SYT14: variants seen among roughly 807,000 people sequenced by gnomAD.
The protein encoded by SYT14 is synaptotagmin-14.
In SYT14, 32 loss-of-function variants were observed where a neutral mutation model predicts 74.2. The observed-to-expected ratio is 0.43, with a 90% CI of 0.33 to 0.58. SYT14 has a LOEUF of 0.58. Ranked by LOEUF, SYT14 falls within the 20% of genes least tolerant of loss-of-function variation. The pLI is 0.05. For missense variants in SYT14, 791 were observed against 981.8 expected (o/e 0.81, Z 2.60); for synonymous variants, 298 against 337.7 (o/e 0.88, Z 1.29).
chr1:210,051,158 A>G (rs182340711), intron 5 of SYT14, among the ~76,000 whole-genome samples: 1 of 152,300 alleles, frequency 6.6e-6, no homozygotes, highest in East Asian at 1.9e-4. Context: ...AAATTCATGT[A>G]TGTATTAATT....
At chr1:210,133,266 A>G (rs1315517216) in intron 7 of SYT14, among the ~76,000 whole-genome samples, 2 of 152,156 alleles carry the variant, frequency 1.3e-5, no homozygotes, top group Non-Finnish European at 2.9e-5. Context: ...GGAGGCAGTG[A>G]CTTTTGCTGT....
intron 2 of SYT14, among the ~76,000 whole-genome samples, chr1:210,008,935 C>T (rs1383375437): frequency 2.0e-5 from 3 of 152,116 alleles, no homozygotes; most frequent in Admixed American, 1.3e-4. Flanking sequence ...GCAGGGGTGT[C>T]CAATCTTTTG....
At chr1:210,027,848 A>G (rs2080447653) in intron 5 of SYT14, among the ~76,000 whole-genome samples, 1 of 151,982 alleles carries the variant, frequency 6.6e-6, no homozygotes, top group Non-Finnish European at 1.5e-5. Flanking sequence ...GTAGAATTTT[A>G]TTTTATTTTT....
chr1:210,097,800 AATTT>A (rs2081992441), intron 6 of SYT14, among the ~76,000 whole-genome samples: 1 of 152,076 alleles, frequency 6.6e-6, no homozygotes, highest in African/African-American at 2.4e-5. Flanking sequence ...CTCTTTTGGG[AATTT>A]ATTTCTTCTC....
chr1:209,951,391 CCTT>C (rs1444099413), intron 1 of SYT14, among the ~76,000 whole-genome samples: 2 of 152,182 alleles, frequency 1.3e-5, no homozygotes, highest in African/African-American at 4.8e-5. Context: ...CAGTATCTGT[CCTT>C]CTGTGTCTGC....
At chr1:210,062,503 C>T (rs1027519358) in intron 5 of SYT14, among the ~76,000 whole-genome samples, 8 of 151,840 alleles carry the variant, frequency 5.3e-5, no homozygotes, top group Non-Finnish European at 8.8e-5. Flanking sequence ...GTTGATTGCT[C>T]AGCCATGCTG....
At chr1:210,046,288 C>T (rs374137846) in intron 5 of SYT14, among the ~76,000 whole-genome samples, 1 of 152,124 alleles carries the variant, frequency 6.6e-6, no homozygotes, top group Non-Finnish European at 1.5e-5. Context: ...GCAGGAGAAT[C>T]GCTTGAACCC....
intron 7 of SYT14, among the ~76,000 whole-genome samples, chr1:210,131,797 C>T (rs977686169): frequency 2.6e-5 from 4 of 152,144 alleles, no homozygotes; most frequent in African/African-American, 7.2e-5. Context: ...TTGCAGCCAT[C>T]CCTTCTTCCA....
intron 5 of SYT14, among the ~76,000 whole-genome samples, chr1:210,048,574 C>T (rs112468332): frequency 1.8e-3 from 279 of 152,286 alleles, no homozygotes; most frequent in African/African-American, 5.6e-3. Context: ...CACCTCCCAT[C>T]GAGTGCCTCC....
chr1:210,040,305 G>A (rs2080760009), intron 5 of SYT14, among the ~76,000 whole-genome samples: 1 of 152,088 alleles, frequency 6.6e-6, no homozygotes, highest in Admixed American at 6.5e-5. Context: ...ACTCATAAGT[G>A]GGAGTTAAAC....
chr1:210,133,258 A>G (rs2082713994), intron 7 of SYT14, among the ~76,000 whole-genome samples: 1 of 152,152 alleles, frequency 6.6e-6, no homozygotes, highest in Non-Finnish European at 1.5e-5. Context: ...TCAGTTTGGG[A>G]GGCAGTGACT....
chr1:210,074,354 C>G (rs940588836), intron 5 of SYT14, among the ~76,000 whole-genome samples: 4 of 152,124 alleles, frequency 2.6e-5, no homozygotes, highest in African/African-American at 9.7e-5. Flanking sequence ...AGTCACATAG[C>G]TAGTGAATGG....
At chr1:209,949,618 A>G (rs1049184364) in intron 1 of SYT14, among the ~76,000 whole-genome samples, 2 of 152,074 alleles carry the variant, frequency 1.3e-5, no homozygotes, top group African/African-American at 4.8e-5. Flanking sequence ...AATGTAATAA[A>G]TTTATATGAC....
chr1:209,969,930 T>C (rs2079220563), intron 2 of SYT14, among the ~76,000 whole-genome samples: 2 of 152,188 alleles, frequency 1.3e-5, no homozygotes, highest in South Asian at 4.1e-4. Context: ...TGTTGAATTG[T>C]TTATTTCTTA....
chr1:209,990,531 ATATATACG>A (rs1346368387), intron 2 of SYT14, among the ~76,000 whole-genome samples: 17 of 45,020 alleles, frequency 3.8e-4, no homozygotes, highest in African/African-American at 1.3e-3. Context: ...TCACATATAT[ATATATACG>A]TATATATATG....
chr1:210,023,355 C>G (rs1231731796), intron 5 of SYT14, among the ~76,000 whole-genome samples: 1 of 152,000 alleles, frequency 6.6e-6, no homozygotes, highest in Admixed American at 6.6e-5. Flanking sequence ...AAAAGACAAA[C>G]TTTCTTGAGA....
chr1:209,968,171 A>T (rs2079185212), intron 2 of SYT14, among the ~76,000 whole-genome samples: 1 of 152,172 alleles, frequency 6.6e-6, no homozygotes, highest in Non-Finnish European at 1.5e-5. Context: ...GACAGAATGT[A>T]GCCTCATCTT....
chr1:210,017,934 TAAC>T (rs753055712), intron 4 of SYT14, among the ~76,000 whole-genome samples: 5 of 152,104 alleles, frequency 3.3e-5, no homozygotes, highest in African/African-American at 4.8e-5. Context: ...TCTTGTAAAA[TAAC>T]AAAAAGCAGA....
intron 7 of SYT14, among the ~76,000 whole-genome samples, chr1:210,119,278 G>A (rs2082414616): frequency 6.6e-6 from 1 of 152,154 alleles, no homozygotes. Flanking sequence ...TAGGCAGATG[G>A]TGAGAATTTA....
Sources: gnomAD v4.1 joint callset for allele counts (sites outside exome capture counted in the v4.1 genomes callset) on GRCh38, gnomAD v4.1.1 for gene constraint, MANE v1.5 for transcripts, NCBI Gene and HGNC (gene_info 2026-07-23, HGNC 2026-07-21) for gene names.